MGAT4A: variants seen among roughly 807,000 people sequenced by gnomAD.
MGAT4A encodes the protein N-acetylglucosaminyltransferase IVa.
Under a neutral mutation model 74.1 loss-of-function variants are expected in MGAT4A, and 33 were observed. That is an observed-to-expected ratio of 0.45 (90% confidence interval 0.34 to 0.60). The LOEUF (loss-of-function observed/expected upper bound fraction) is 0.60. Among genes scored for constraint, MGAT4A ranks in the 20% least tolerant of loss-of-function variants. The probability of loss-of-function intolerance (pLI) is 0.02; values close to 1 mark genes in which losing one functional copy is unlikely to be tolerated. For synonymous variants in MGAT4A, 198 were observed against 210.4 expected (o/e 0.94, Z 0.51); for missense variants, 479 against 628.3 (o/e 0.76, Z 2.54).
Position 98,645,537 on chromosome 2 carries a change from T to G in MGAT4A, c.780A>C (p.Glu260Asp). The change falls in exon 9 of 16, where the codon GAA (glutamate) becomes GAC (aspartate). Residue 260 changes from glutamate (E) to aspartate (D), a missense_variant. By Grantham distance (45) the Glu-to-Asp change is conservative. Coordinates refer to ENST00000393487, the MANE Select transcript of MGAT4A (RefSeq NM_012214.3). ...QEKGIYYIQL[E>D]DDIIVKQNYF... is the part of the protein sequence containing the mutation. ...AATTTTGTTTGACAATAATATCATC[T>G]TCAAGCTAGAGAAAATTGAACAATC... 6.4e-7 allele frequency: 1 copy of G among 1,556,276 alleles called. No individual in the cohort carries two copies. The highest frequency in any genetic ancestry group is 1.4e-5 in the African/African-American group (1 of 72,178).
At chr2:98,653,613 G>C (rs562390047) in intron 8 of MGAT4A, among the ~76,000 whole-genome samples, 2 of 152,170 alleles carry the variant, frequency 1.3e-5, no homozygotes, top group African/African-American at 4.8e-5. Context: ...TTTTCCATGG[G>C]TGAATCATGG....
At chr2:98,654,502 G>T (rs539185767) in intron 8 of MGAT4A, among the ~76,000 whole-genome samples, 1 of 151,748 alleles carries the variant, frequency 6.6e-6, no homozygotes, top group South Asian at 2.1e-4. Context: ...TTGTATTTTT[G>T]TATACTAACA....
chr2:98,673,607 A>G lies in MGAT4A; in HGVS notation c.403+1428T>C, dbSNP rs1288012766. The stretch of plus-strand genomic sequence containing the variant: ...AAAGCTGGTTGACCAAGATTTTATT[A>G]TATTTATAATGGATAAAGTCATGTA... On this transcript the variant is annotated intron_variant, in intron 4 of 15. Coordinates refer to ENST00000393487, the MANE Select transcript of MGAT4A (RefSeq NM_012214.3). Among the ~76,000 whole-genome samples, 7 of 152,316 alleles carry G rather than the reference A, an allele frequency of 4.6e-5. No homozygotes were observed. The South Asian group carries it at 1.4e-3, about 32-fold the overall frequency.
intron 2 of MGAT4A, among the ~76,000 whole-genome samples, chr2:98,703,019 G>A (rs577381301): frequency 2.0e-5 from 3 of 152,290 alleles, no homozygotes; most frequent in South Asian, 2.1e-4. Context: ...CTCATACTCG[G>A]GGGAAAAATA....
intron 7 of MGAT4A, 80 bp from the exon 8 acceptor site, chr2:98,655,600 A>C: frequency 1.2e-6 from 1 of 867,132 alleles, no homozygotes; most frequent in Non-Finnish European, 1.8e-6. Flanking sequence ...TAAATGTCAA[A>C]TGTCTACATA....
In MGAT4A at chr2:98,623,594, A is replaced by C. The variant is rs1157304371; in HGVS notation, c.*1972T>G. 1.0e-6 allele frequency: 1 copy of C among 985,198 alleles called. No homozygotes were observed. The highest frequency in any genetic ancestry group is 6.1e-5 in the Admixed American group (1 of 16,276). 61.0% of individuals were successfully genotyped at this position (985,198 alleles called of 1,614,324 possible). On this transcript the variant is annotated 3_prime_UTR_variant, in exon 16 of 16. Transcript: ENST00000393487. ...ATTTGAGAAGAAAAAAATTCAAGAA[A>C]GTGAAAAGTAAATTTAAAACATCCT... is the stretch of plus-strand genomic sequence containing the variant.
intron 4 of MGAT4A, chr2:98,663,576 T>G: frequency 1.2e-6 from 1 of 846,336 alleles, no homozygotes; most frequent in Non-Finnish European, 1.6e-6. Context: ...CTGTGGTTGT[T>G]CTTGCCAACA....
At chr2:98,679,742 A>C (rs1702030980) in intron 2 of MGAT4A, among the ~76,000 whole-genome samples, 2 of 152,232 alleles carry the variant, frequency 1.3e-5, no homozygotes, top group South Asian at 4.1e-4. Context: ...CTGGTCTAGG[A>C]AATAAAAGTG....
intron 10 of MGAT4A, 38 bp downstream of exon 10, chr2:98,643,885 A>C (rs928154370): frequency 2.1e-6 from 3 of 1,449,580 alleles, no homozygotes; most frequent in Non-Finnish European, 1.8e-6. Context: ...GAAATACAGA[A>C]GTGAAACTCC....
At chr2:98,727,792 G>C (rs556113710) in intron 1 of MGAT4A, among the ~76,000 whole-genome samples, 53 of 152,138 alleles carry the variant, frequency 3.5e-4, no homozygotes, top group Non-Finnish European at 6.2e-4. Flanking sequence ...GATCACAGGG[G>C]CATAGTACTA....
chr2:98,627,900 T>C (rs1193536873), intron 14 of MGAT4A, among the ~76,000 whole-genome samples: 3 of 152,250 alleles, frequency 2.0e-5, no homozygotes, highest in Admixed American at 6.5e-5. Flanking sequence ...TAAGGTTCAC[T>C]GTTGACACTT....
intron 4 of MGAT4A, among the ~76,000 whole-genome samples, chr2:98,665,827 A>C (rs1015667845): frequency 1.3e-5 from 2 of 152,258 alleles, no homozygotes; most frequent in Non-Finnish European, 2.9e-5. Flanking sequence ...GAGCTGATGA[A>C]GAATACTGCA....
At chr2:98,700,760 G>A (rs970643513) in intron 2 of MGAT4A, among the ~76,000 whole-genome samples, 4 of 151,716 alleles carry the variant, frequency 2.6e-5, no homozygotes, top group East Asian at 3.9e-4. Flanking sequence ...CCGTGGTGGC[G>A]GGCACCTGTA....
intron 2 of MGAT4A, among the ~76,000 whole-genome samples, chr2:98,681,678 G>A (rs1159283758): frequency 1.3e-5 from 2 of 152,102 alleles, no homozygotes; most frequent in African/African-American, 2.4e-5. Flanking sequence ...TTTGGAGGCC[G>A]GGCGTGATAG....
At position 98,621,330 on chromosome 2, in the gene MGAT4A, G is replaced by A. The variant is rs1701057578; in HGVS notation, c.*4236C>T. 6 of 1,472,386 alleles carry A rather than the reference G, an allele frequency of 4.1e-6. No individual in the cohort carries two copies. The highest frequency in any genetic ancestry group is 5.1e-5 in the East Asian group (2 of 39,192). The allele number at this position is 1,472,386 out of a possible 1,614,324, so 91.2% of individuals were successfully genotyped here. On this transcript the variant is annotated 3_prime_UTR_variant, in exon 16 of 16. Transcript: ENST00000393487. ...AGCTTATGGGCTGAATTCAGTTCCC[G>A]TGGCTGTAGGACTGCAGTTCCCAGC...
At chr2:98,645,092 A>G (rs554557666) in intron 9 of MGAT4A, among the ~76,000 whole-genome samples, 1 of 152,364 alleles carries the variant, frequency 6.6e-6, no homozygotes, top group South Asian at 2.1e-4. Context: ...TATATGAGAA[A>G]ACTCTTTGTG....
intron 2 of MGAT4A, among the ~76,000 whole-genome samples, chr2:98,709,684 G>A (rs1049626384): frequency 1.2e-4 from 18 of 152,166 alleles, no homozygotes; most frequent in Non-Finnish European, 7.4e-5. Context: ...GATTTGTGAA[G>A]AATGTTTTTC....
chr2:98,635,496 T>C (rs554703095), intron 13 of MGAT4A, among the ~76,000 whole-genome samples: 32 of 152,352 alleles, frequency 2.1e-4, no homozygotes, highest in African/African-American at 7.2e-4. Flanking sequence ...GTATATAATA[T>C]ATTGGTGGTT....
chr2:98,620,357 T>C lies in MGAT4A; in HGVS notation c.*5209A>G, dbSNP rs1186308213. On this transcript the variant is annotated 3_prime_UTR_variant, in exon 16 of 16. Coordinates refer to ENST00000393487, the MANE Select transcript of MGAT4A (RefSeq NM_012214.3). ...GAAAAGTTCCTTTTCTATAAAGGGA[T>C]TGGACTGGATAAAGTTCCCTTAAAA... The C allele has an allele frequency of 6.6e-6, 1 of 152,204 alleles. No individual in the cohort carries two copies. Among genetic ancestry groups the C allele is most frequent in the African/African-American group, 2.4e-5 (1 of 41,454 alleles). 9.4% of individuals were successfully genotyped at this position (152,204 alleles called of 1,614,324 possible). A position where few individuals can be genotyped will look rare whatever the true frequency, so the allele number is the denominator to read the frequency against.
Sources: allele counts gnomAD v4.1 joint callset (sites outside exome capture counted in the v4.1 genomes callset), GRCh38; gene constraint gnomAD v4.1.1; transcripts MANE v1.5; gene names NCBI Gene and HGNC (gene_info 2026-07-23, HGNC 2026-07-21).